IQCH: variants seen among roughly 807,000 people sequenced by gnomAD.
IQCH encodes IQ motif containing H.
A neutral mutation model predicts 117.0 loss-of-function variants in IQCH; 98 were observed. The observed-to-expected ratio is 0.84, with a 90% CI of 0.71 to 0.99. The LOEUF (loss-of-function observed/expected upper bound fraction) is 0.99, where lower values mean the gene tolerates loss of function less well. Among genes scored for constraint, IQCH ranks in the 50% least tolerant of loss-of-function variants. IQCH has a pLI of 0.00. For synonymous variants in IQCH, 412 were observed against 448.2 expected, an observed-to-expected ratio of 0.92 and a Z score of 1.02; for missense variants, 1,102 against 1,243.8, an observed-to-expected ratio of 0.89 and a Z score of 1.72.
chr15:67,347,319 C>G (rs1210558186), intron 6 of IQCH, among the ~76,000 whole-genome samples: 3 of 151,698 alleles, frequency 2.0e-5, no homozygotes, highest in African/African-American at 7.3e-5. Context: ...GCACAAATGA[C>G]CAGTATCAGG....
chr15:67,346,352 C>A (rs975933886), intron 6 of IQCH, among the ~76,000 whole-genome samples: 1 of 152,016 alleles, frequency 6.6e-6, no homozygotes, highest in African/African-American at 2.4e-5. Context: ...GGTCCCCAAC[C>A]TTTTTGACAC....
chr15:67,370,972 T>G lies in IQCH; in HGVS notation c.754-1139T>G, dbSNP rs1421899135. 1.5e-5 allele frequency among the ~76,000 whole-genome samples: 2 copies of G among 129,952 alleles called. No homozygotes were observed. The highest frequency in any genetic ancestry group is 3.4e-5 in the Non-Finnish European group (2 of 58,612). The allele number at this position is 129,952 out of a possible 152,430, so 85.3% of individuals were successfully genotyped here. A position where few individuals can be genotyped will look rare whatever the true frequency, so the allele number is the denominator to read the frequency against. On this transcript the variant is annotated intron_variant, in intron 8 of 20. Transcript: ENST00000335894. The surrounding 1 kb of genome is among the most constrained non-coding windows in gnomAD (Gnocchi z 5.6). ...TTATGGATAAATTGCTGGGGGGGGT[T>G]TTCTTTGAGTTTTTTGAAAACTCTT... is the stretch of plus-strand genomic sequence containing the variant.
intron 20 of IQCH, among the ~76,000 whole-genome samples, chr15:67,499,054 T>C (rs577088183): frequency 2.6e-5 from 4 of 152,240 alleles, no homozygotes; most frequent in Non-Finnish European, 5.9e-5. Context: ...CCCAGCACTT[T>C]GGGAGGCTGA....
intron 2 of IQCH, 106 bp from the exon 3 acceptor site, chr15:67,263,016 T>C: frequency 1.4e-6 from 1 of 698,800 alleles, no homozygotes; most frequent in Non-Finnish European, 2.6e-6. Context: ...TAGCATGTTG[T>C]GGTTTTGGCT....
chr15:67,350,778 G>T (rs1437133863), intron 6 of IQCH, among the ~76,000 whole-genome samples: 1 of 152,064 alleles, frequency 6.6e-6, no homozygotes, highest in South Asian at 2.1e-4. Context: ...TTACACATTT[G>T]CCAAAACTTA....
At chr15:67,284,310 C>T (rs141759128) in intron 4 of IQCH, among the ~76,000 whole-genome samples, 32 of 152,230 alleles carry the variant, frequency 2.1e-4, no homozygotes, top group Non-Finnish European at 3.5e-4. Context: ...TCCTTGTTTG[C>T]CTGGCTTATT....
intron 4 of IQCH, among the ~76,000 whole-genome samples, chr15:67,319,784 G>A (rs1968026104): frequency 1.3e-5 from 2 of 152,114 alleles, no homozygotes; most frequent in Admixed American, 1.3e-4. Context: ...GGCTCTTTCA[G>A]AATTTGAAGA....
chr15:67,455,059 C>T (rs1352708312), intron 16 of IQCH, among the ~76,000 whole-genome samples: 3 of 152,164 alleles, frequency 2.0e-5, no homozygotes, highest in African/African-American at 4.8e-5. Flanking sequence ...ATATCTTTGC[C>T]AACACTTGTT....
At chr15:67,260,619 A>C (rs1341949913) in intron 1 of IQCH, among the ~76,000 whole-genome samples, 1 of 152,088 alleles carries the variant, frequency 6.6e-6, no homozygotes, top group Non-Finnish European at 1.5e-5. Context: ...ATCTGTAGAA[A>C]TTGGAGTCTG....
intron 1 of IQCH, among the ~76,000 whole-genome samples, chr15:67,258,105 C>T (rs1438305289): frequency 6.6e-6 from 1 of 151,930 alleles, no homozygotes; most frequent in Non-Finnish European, 1.5e-5. Context: ...GTGGCAGGCA[C>T]CTGTAATCCC....
chr15:67,347,703 C>G (rs1969459125), intron 6 of IQCH, among the ~76,000 whole-genome samples: 1 of 150,770 alleles, frequency 6.6e-6, no homozygotes, highest in African/African-American at 2.4e-5. Context: ...ACACCACAAC[C>G]AAAGACTTTA....
chr15:67,414,732 A>G (rs1189953530), intron 14 of IQCH, among the ~76,000 whole-genome samples: 7 of 151,384 alleles, frequency 4.6e-5, no homozygotes, highest in Non-Finnish European at 7.4e-5. Context: ...CAGTTGCTTA[A>G]AAGGCCTGAC....
Position 67,421,283 on chromosome 15 carries a change from C to T in IQCH, c.2219-8C>T. 4.3e-6 allele frequency: 7 copies of T among 1,609,766 alleles called. No individual in the cohort carries two copies. The highest frequency in any genetic ancestry group is 5.9e-6 in the Non-Finnish European group (7 of 1,177,182). ...GTCCTTTCACCTACTCCATGTTTTT[C>T]CCACCAGGGGGTGTGATCGAAGCAT... On this transcript the variant is annotated splice_polypyrimidine_tract_variant and splice_region_variant and intron_variant, in intron 15 of 20. Transcript: ENST00000335894.
At chr15:67,267,591 A>G (rs1965728537) in intron 3 of IQCH, among the ~76,000 whole-genome samples, 1 of 152,210 alleles carries the variant, frequency 6.6e-6, no homozygotes, top group African/African-American at 2.4e-5. Flanking sequence ...CAGTCAGGCT[A>G]GCAGGAACTG....
At chr15:67,287,309 T>G (rs915154493) in intron 4 of IQCH, among the ~76,000 whole-genome samples, 1 of 152,214 alleles carries the variant, frequency 6.6e-6, no homozygotes, top group African/African-American at 2.4e-5. Context: ...GTATTTCCTC[T>G]TCTTCTGTTT....
At chr15:67,326,365 A>G (rs1301404398) in intron 4 of IQCH, among the ~76,000 whole-genome samples, 1 of 152,188 alleles carries the variant, frequency 6.6e-6, no homozygotes, top group African/African-American at 2.4e-5. Context: ...CCAGTCTATC[A>G]TTGATGGACA....
In IQCH at chr15:67,465,707, C is replaced by T. The variant is rs1319872797; in HGVS notation, c.2676+410C>T. Among the ~76,000 whole-genome samples the T allele has an allele frequency of 6.6e-6, 1 of 152,158 alleles. No individual in the cohort carries two copies. The highest frequency in any genetic ancestry group is 1.5e-5 in the Non-Finnish European group (1 of 68,032). On this transcript the variant is annotated intron_variant, in intron 17 of 20. Transcript: ENST00000335894. The surrounding 1 kb of genome is among the most constrained non-coding windows in gnomAD (Gnocchi z 5.9). The stretch of plus-strand genomic sequence containing the variant: ...CTCAGAGTCAAGCTATCCAAAACTG[C>T]ATCACATTTGTCTTTCTTCCTCCTG...
At chr15:67,285,229 C>T (rs987666965) in intron 4 of IQCH, among the ~76,000 whole-genome samples, 3 of 151,966 alleles carry the variant, frequency 2.0e-5, no homozygotes, top group Non-Finnish European at 4.4e-5. Context: ...CTTTTTTTCA[C>T]ATGATCATTG....
intron 18 of IQCH, among the ~76,000 whole-genome samples, chr15:67,486,407 C>T (rs1328304657): frequency 6.6e-6 from 1 of 152,028 alleles, no homozygotes; most frequent in Non-Finnish European, 1.5e-5. Context: ...AAAGGAAAGT[C>T]TCTGCCAACC....
Sources: gnomAD v4.1 joint callset for allele counts (sites outside exome capture counted in the v4.1 genomes callset) on GRCh38, gnomAD v4.1.1 for gene constraint, Gnocchi (gnomAD v3.1) non-coding constraint, MANE v1.5 for transcripts, NCBI Gene and HGNC (gene_info 2026-07-23, HGNC 2026-07-21) for gene names.